PCDHA4: variants seen among roughly 807,000 people sequenced by gnomAD.
The protein encoded by PCDHA4 is protocadherin alpha-4.
PCDHA4 carries 49 observed loss-of-function variants against 61.4 expected under a neutral mutation model. The ratio of observed to expected loss-of-function variants is 0.80; its 90% CI spans 0.63 to 1.01. The LOEUF (loss-of-function observed/expected upper bound fraction) is 1.01. Among genes scored for constraint, PCDHA4 ranks in the 50% least tolerant of loss-of-function variants. PCDHA4 has a pLI of 0.00. For synonymous variants in PCDHA4, 590 were observed against 550.3 expected, an observed-to-expected ratio of 1.07 and a Z score of -1.01; for missense variants, 1,254 against 1,235.8, an observed-to-expected ratio of 1.01 and a Z score of -0.22.
rs782372222 is a variant in PCDHA4 at position 140,876,213 on chromosome 5, T to C, written c.2385+66641T>C. 11 of 1,613,846 alleles carry C rather than the reference T, an allele frequency of 6.8e-6. No homozygotes were observed. The Admixed American group carries it at 8.3e-5, about 12-fold the overall frequency. On this transcript the variant is annotated intron_variant, in intron 1 of 3. Coordinates refer to ENST00000530339, the MANE Select transcript of PCDHA4 (RefSeq NM_018907.4). The stretch of plus-strand genomic sequence containing the variant: ...GTCCGGCGTTTGATAAGCCCAGCTA[T>C]AAAGTAGTGTTGTCTGAAAATGTCC...
At chr5:140,850,316 T>A (rs2150479207) in intron 1 of PCDHA4, 1 of 1,597,026 alleles carries the variant, frequency 6.3e-7, no homozygotes, top group African/African-American at 1.3e-5. Flanking sequence ...ACGCGTGGCT[T>A]TCATACGAGC....
In PCDHA4 at chr5:140,835,717, T is replaced by C. The variant is rs1773872619; in HGVS notation, c.2385+26145T>C. The C allele has an allele frequency of 1.9e-6, 3 of 1,613,628 alleles. No individual in the cohort carries two copies. Among genetic ancestry groups the C allele is most frequent in the African/African-American group, 2.7e-5 (2 of 74,884 alleles). On this transcript the variant is annotated intron_variant, in intron 1 of 3. Coordinates refer to ENST00000530339, the MANE Select transcript of PCDHA4 (RefSeq NM_018907.4). ...GCCACTGCTAGCGTGTCCGTGGAGG[T>C]GGCCGACGTGAACGACAACGCCCCG...
intron 1 of PCDHA4, among the ~76,000 whole-genome samples, chr5:140,874,504 C>A (rs2054953142): frequency 6.6e-6 from 1 of 152,198 alleles, no homozygotes; most frequent in Admixed American, 6.5e-5. Flanking sequence ...AGTTCACATT[C>A]TCTTGACTTT....
chr5:140,816,271 A>G (rs1765874884), intron 1 of PCDHA4: 1 of 152,096 alleles, frequency 6.6e-6, no homozygotes, highest in Non-Finnish European at 1.5e-5. Flanking sequence ...TCATTCTTCT[A>G]CTTGATTAAG....
At chr5:140,873,725 A>G (rs1235492447) in intron 1 of PCDHA4, among the ~76,000 whole-genome samples, 7 of 152,112 alleles carry the variant, frequency 4.6e-5, no homozygotes, top group Non-Finnish European at 7.4e-5. Context: ...CAGTGGCGCA[A>G]TCTCAGCTCA....
intron 1 of PCDHA4, chr5:140,830,799 G>A (rs1297330386): frequency 6.3e-6 from 1 of 158,848 alleles, no homozygotes; most frequent in African/African-American, 2.4e-5. Flanking sequence ...AATTATATGG[G>A]ATTTTCATTT....
rs1554229569 is a variant in PCDHA4, at chr5:140,967,454, G to A, written c.2386-11495G>A. ...CTTGCACCACCTGGTTCTCACAGCCGTGGATGGGGGCATCCCAGCCCGCTC... is the reference window on the plus strand; with the variant it reads ...CTTGCACCACCTGGTTCTCACAGCCATGGATGGGGGCATCCCAGCCCGCTC... On this transcript the variant is annotated intron_variant, in intron 1 of 3. Transcript: ENST00000530339. 6.2e-7 allele frequency: 1 copy of A among 1,613,614 alleles called. No individual in the cohort carries two copies. Among genetic ancestry groups the A allele is most frequent in the Admixed American group, 1.7e-5 (1 of 60,010 alleles).
intron 1 of PCDHA4, chr5:140,862,965 C>G (rs1358517266): frequency 1.8e-6 from 1 of 543,786 alleles, no homozygotes; most frequent in Admixed American, 1.9e-5. Flanking sequence ...TCAGTGGATG[C>G]AGGCCACTTG....
At chr5:140,993,107 A>G (rs2097540621) in intron 3 of PCDHA4, among the ~76,000 whole-genome samples, 1 of 152,218 alleles carries the variant, frequency 6.6e-6, no homozygotes, top group South Asian at 2.1e-4. Context: ...TTCAGCGGTC[A>G]GTGTCACATC....
chr5:140,929,138 G>C (rs150967804), intron 1 of PCDHA4: 183 of 1,614,054 alleles, frequency 1.1e-4, no homozygotes, highest in Non-Finnish European at 1.5e-4. Context: ...ACAGTTGAGA[G>C]ACTTTCTCAG....
At chr5:140,844,621 AG>A (rs1779471115) in intron 1 of PCDHA4, among the ~76,000 whole-genome samples, 1 of 149,558 alleles carries the variant, frequency 6.7e-6, no homozygotes, top group Non-Finnish European at 1.5e-5. Flanking sequence ...TGTTTTCATC[AG>A]AAAAACTATA....
At chr5:140,829,409 A>C (rs2150167358) in intron 1 of PCDHA4, 48 of 1,614,026 alleles carry the variant, frequency 3.0e-5, no homozygotes, top group Non-Finnish European at 4.0e-5. Flanking sequence ...GGCCACCGCC[A>C]GCTTGTCTGT....
chr5:140,843,494 G>A, intron 1 of PCDHA4: 1 of 1,596,028 alleles, frequency 6.3e-7, no homozygotes, highest in Non-Finnish European at 8.6e-7. Context: ...GCGGTGCTCA[G>A]CACTGCCCAC....
intron 1 of PCDHA4, chr5:140,811,615 A>C (rs552512515): frequency 1.3e-5 from 2 of 152,228 alleles, no homozygotes; most frequent in African/African-American, 4.8e-5. Flanking sequence ...CACTCCCACC[A>C]ACGGTGTAAA....
chr5:141,009,601 A>T (rs1223112014), intron 3 of PCDHA4, 26 bp from the exon 4 acceptor site: 6 of 1,607,482 alleles, frequency 3.7e-6, no homozygotes, highest in Non-Finnish European at 5.1e-6. Flanking sequence ...GACCCTGTTA[A>T]TGATTTGTAA....
chr5:140,916,276 C>T (rs1012702427), intron 1 of PCDHA4, among the ~76,000 whole-genome samples: 4 of 152,192 alleles, frequency 2.6e-5, no homozygotes, highest in African/African-American at 7.2e-5. Flanking sequence ...GCTTGTTGCT[C>T]TACTCCACGT....
intron 1 of PCDHA4, chr5:140,884,551 G>C (rs782613034): frequency 1.2e-6 from 2 of 1,614,134 alleles, no homozygotes; most frequent in Non-Finnish European, 1.7e-6. Flanking sequence ...TGTGCTCTGG[G>C]GAGGGCCCGC....
intron 1 of PCDHA4, chr5:140,821,754 T>G (rs1461015460): frequency 1.3e-6 from 2 of 1,582,528 alleles, no homozygotes; most frequent in Non-Finnish European, 1.7e-6. Flanking sequence ...AATAGAAAGC[T>G]CATAATTGGA....
chr5:140,892,952 AT>A (rs1327610333), intron 1 of PCDHA4, among the ~76,000 whole-genome samples: 1 of 152,154 alleles, frequency 6.6e-6, no homozygotes, highest in African/African-American at 2.4e-5. Context: ...TACTACTTCC[AT>A]GAGCTCAATA....
Sources: allele counts gnomAD v4.1 joint callset (sites outside exome capture counted in the v4.1 genomes callset), GRCh38; gene constraint gnomAD v4.1.1; transcripts MANE v1.5; gene names NCBI Gene and HGNC (gene_info 2026-07-23, HGNC 2026-07-21).